The following ADAMTS9 variants were observed in gnomAD, a reference collection of about 807,000 sequenced individuals.
The protein encoded by ADAMTS9 is A disintegrin and metalloproteinase with thrombospondin motifs 9.
ADAMTS9 carries 107 observed loss-of-function variants against 257.1 expected under a neutral mutation model. The ratio of observed to expected loss-of-function variants is 0.42; its 90% CI spans 0.36 to 0.49. The LOEUF is 0.49. Ranked by LOEUF, ADAMTS9 falls within the 20% of genes least tolerant of loss-of-function variation. The pLI is 0.03. For missense variants in ADAMTS9, 2,353 were observed against 2,469.1 expected (o/e 0.95, Z 1.00); for synonymous variants, 982 against 880.9 (o/e 1.11, Z -2.03).
chr3:64,574,572 A>AG (rs1553704861), intron 28 of ADAMTS9, among the ~76,000 whole-genome samples: 1 of 151,658 alleles, frequency 6.6e-6, no homozygotes, highest in Admixed American at 6.6e-5. Context: ...AAAAAAAAAA[A>AG]AAAAAGAAAA....
chr3:64,597,406 C>T (rs969107852), intron 26 of ADAMTS9, among the ~76,000 whole-genome samples: 2 of 152,138 alleles, frequency 1.3e-5, no homozygotes, highest in African/African-American at 4.8e-5. Flanking sequence ...TTCCTTTCAA[C>T]GCGGAGGTCA....
At position 64,576,651 on chromosome 3, in the gene ADAMTS9, T is replaced by C. The variant is rs149064513; in HGVS notation, c.4357-8116A>G. Among the ~76,000 whole-genome samples the C allele has an allele frequency of 2.1e-3, 316 of 152,298 alleles. 1 individual carries two copies. The highest frequency in any genetic ancestry group is 7.5e-3 in the African/African-American group (311 of 41,566). On this transcript the variant is annotated intron_variant, in intron 28 of 39. Coordinates refer to ENST00000498707, the MANE Select transcript of ADAMTS9 (RefSeq NM_182920.2). The stretch of plus-strand genomic sequence containing the variant: ...AAAAGGAGCTGAGAGCGCCTGAGAT[T>C]GGCAGGGAACACCAAGGAAGAAAGC...
At chr3:64,639,818 A>G (rs1185941251) in intron 12 of ADAMTS9, among the ~76,000 whole-genome samples, 5 of 152,178 alleles carry the variant, frequency 3.3e-5, no homozygotes, top group Admixed American at 1.3e-4. Flanking sequence ...GCTGAGTTTA[A>G]AAAGCAGTAC....
Position 64,681,358 on chromosome 3 carries a change from G to T in ADAMTS9, c.522C>A (p.Gly174=). Residue 174 remains glycine, a synonymous_variant, in exon 3 of 40, where the codon GGC becomes GGA. Coordinates refer to ENST00000498707, the MANE Select transcript of ADAMTS9 (RefSeq NM_182920.2). ...AVISLCSGML[G]TFRSHDGDYF... ...AATCCCCATCATGAGACCGGAATGT[G>T]CCCAGCTGCAAATGAAGAGAGATGG... 6.2e-7 allele frequency: 1 copy of T among 1,608,916 alleles called. No homozygotes were observed. Among genetic ancestry groups the T allele is most frequent in the Non-Finnish European group, 8.5e-7 (1 of 1,177,928 alleles).
At chr3:64,548,840 T>C (rs1449551124) in intron 31 of ADAMTS9, among the ~76,000 whole-genome samples, 4 of 152,256 alleles carry the variant, frequency 2.6e-5, no homozygotes, top group African/African-American at 9.6e-5. Context: ...CATGAGCACG[T>C]ATTACTTTTC....
At chr3:64,640,515 T>C (rs1024768624) in intron 12 of ADAMTS9, among the ~76,000 whole-genome samples, 3 of 152,210 alleles carry the variant, frequency 2.0e-5, no homozygotes, top group African/African-American at 7.2e-5. Flanking sequence ...CAATAGAGTT[T>C]GCTATCCGTG....
At chr3:64,545,873 G>C (rs1412349656) in intron 32 of ADAMTS9, among the ~76,000 whole-genome samples, 1 of 152,186 alleles carries the variant, frequency 6.6e-6, no homozygotes, top group Non-Finnish European at 1.5e-5. Context: ...TGGGATTACA[G>C]GTGTGAGCTA....
intron 27 of ADAMTS9, among the ~76,000 whole-genome samples, chr3:64,595,676 A>G (rs1361880126): frequency 6.6e-6 from 1 of 152,192 alleles, no homozygotes; most frequent in Admixed American, 6.5e-5. Context: ...AAAGTCAACA[A>G]TAATCCCGTT....
At chr3:64,552,744 G>A (rs2083285729) in intron 30 of ADAMTS9, among the ~76,000 whole-genome samples, 1 of 152,082 alleles carries the variant, frequency 6.6e-6, no homozygotes, top group African/African-American at 2.4e-5. Context: ...TTTTTGTAGA[G>A]ATGAGTCTCA....
In ADAMTS9 at chr3:64,615,592, G is replaced by C; in HGVS notation, c.3025-107C>G. On this transcript the variant is annotated intron_variant, in intron 20 of 39. Transcript: ENST00000498707. ...CCAGCTCTTAAGAAACAACACACAA[G>C]CTGGCCAACTCTAGTTATTTTGGTG... 2.6e-6 allele frequency: 3 copies of C among 1,164,454 alleles called. No homozygotes were observed. The East Asian group carries it at 7.6e-5, about 30-fold the overall frequency. The allele number at this position is 1,164,454 out of a possible 1,614,324, so 72.1% of individuals were successfully genotyped here. A position where few individuals can be genotyped will look rare whatever the true frequency, so the allele number is the denominator to read the frequency against.
chr3:64,666,450 G>A (rs754967982), intron 3 of ADAMTS9, among the ~76,000 whole-genome samples: 3 of 152,194 alleles, frequency 2.0e-5, no homozygotes, highest in African/African-American at 2.4e-5. Flanking sequence ...GGAGCAAGGC[G>A]AGACCCCTTT....
intron 3 of ADAMTS9, among the ~76,000 whole-genome samples, chr3:64,675,268 A>G (rs995189946): frequency 3.3e-5 from 5 of 152,162 alleles, no homozygotes; most frequent in African/African-American, 1.2e-4. Context: ...GTAAAGTTGT[A>G]AAGTGCCTGG....
chr3:64,641,818 G>A, intron 12 of ADAMTS9, 30 bp downstream of exon 12: 19 of 1,610,798 alleles, frequency 1.2e-5, no homozygotes, highest in Non-Finnish European at 1.5e-5. Context: ...TGCCACGGCA[G>A]TAATAACAGT....
chr3:64,624,964 A>G (rs774124856), intron 16 of ADAMTS9, among the ~76,000 whole-genome samples: 1 of 152,158 alleles, frequency 6.6e-6, no homozygotes, highest in Non-Finnish European at 1.5e-5. Context: ...TATTTAATAA[A>G]TCAGAGCTAT....
intron 3 of ADAMTS9, among the ~76,000 whole-genome samples, chr3:64,659,012 G>A (rs1431584054): frequency 6.6e-6 from 1 of 152,124 alleles, no homozygotes; most frequent in Non-Finnish European, 1.5e-5. Flanking sequence ...GCTCGCTTAC[G>A]GTATTAGAAA....
intron 28 of ADAMTS9, among the ~76,000 whole-genome samples, chr3:64,570,390 A>G (rs1255624741): frequency 6.6e-6 from 1 of 152,200 alleles, no homozygotes; most frequent in Non-Finnish European, 1.5e-5. Flanking sequence ...GGGGTCAGGC[A>G]GCAAAGCTAT....
At chr3:64,528,282 C>T (rs1377765810) in intron 38 of ADAMTS9, among the ~76,000 whole-genome samples, 2 of 152,144 alleles carry the variant, frequency 1.3e-5, no homozygotes, top group Non-Finnish European at 2.9e-5. Flanking sequence ...GCATGGGGAG[C>T]TGTGGTGGAA....
At chr3:64,639,387 G>T (rs1337312382) in intron 12 of ADAMTS9, among the ~76,000 whole-genome samples, 1 of 142,656 alleles carries the variant, frequency 7.0e-6, no homozygotes, top group African/African-American at 2.7e-5. Flanking sequence ...TTAATGATCG[G>T]TTCTTAACTT....
chr3:64,519,967 GA>G (rs1452325573), intron 39 of ADAMTS9, among the ~76,000 whole-genome samples: 3 of 151,958 alleles, frequency 2.0e-5, no homozygotes, highest in Non-Finnish European at 4.4e-5. Flanking sequence ...GAGAAAGAAA[GA>G]AAAGACATCA....
Sources: gnomAD v4.1 joint callset for allele counts (sites outside exome capture counted in the v4.1 genomes callset) on GRCh38, gnomAD v4.1.1 for gene constraint, MANE v1.5 for transcripts, NCBI Gene and HGNC (gene_info 2026-07-23, HGNC 2026-07-21) for gene names.